Variants in CPXM2 observed in about 807,000 individuals in gnomAD.
The protein encoded by CPXM2 is carboxypeptidase X, M14 family member 2, also known as inactive carboxypeptidase-like protein X2.
Under a neutral mutation model 86.1 loss-of-function variants are expected in CPXM2, and 66 were observed. The ratio of observed to expected loss-of-function variants is 0.77; its 90% confidence interval spans 0.63 to 0.94. The LOEUF (loss-of-function observed/expected upper bound fraction) is 0.94, where lower values mean the gene tolerates loss of function less well. Ranked by LOEUF, CPXM2 falls within the 40% of genes least tolerant of loss-of-function variation. CPXM2 has a pLI of 0.00. For synonymous variants in CPXM2, 388 were observed against 400.2 expected, an observed-to-expected ratio of 0.97 and a Z score of 0.36; for missense variants, 948 against 1,026.3, an observed-to-expected ratio of 0.92 and a Z score of 1.04.
At chr10:123,774,809 G>C (rs1846741968) in intron 7 of CPXM2, among the ~76,000 whole-genome samples, 1 of 152,208 alleles carries the variant, frequency 6.6e-6, no homozygotes, top group South Asian at 2.1e-4. Context: ...AACATGCAAA[G>C]GACATGTAGC....
intron 2 of CPXM2, among the ~76,000 whole-genome samples, chr10:123,877,347 A>C (rs1945005068): frequency 1.3e-5 from 2 of 152,238 alleles, no homozygotes; most frequent in African/African-American, 4.8e-5. Flanking sequence ...TGTATTGGTC[A>C]GCTACTGCTG....
intron 6 of CPXM2, among the ~76,000 whole-genome samples, chr10:123,781,782 C>T (rs1156865122): frequency 1.3e-5 from 2 of 152,342 alleles, no homozygotes; most frequent in East Asian, 1.9e-4. Flanking sequence ...CCAGCTGGCT[C>T]TGCAGACATT....
chr10:123,870,604 C>A (rs56387117), intron 2 of CPXM2, among the ~76,000 whole-genome samples: 1 of 152,088 alleles, frequency 6.6e-6, no homozygotes, highest in African/African-American at 2.4e-5. Flanking sequence ...TTCTCAGATA[C>A]CACTGGCTTC....
At chr10:123,835,362 C>G (rs1176535287) in intron 4 of CPXM2, among the ~76,000 whole-genome samples, 2 of 152,178 alleles carry the variant, frequency 1.3e-5, no homozygotes, top group African/African-American at 2.4e-5. Context: ...AGAGCTCATG[C>G]CTTCATCATC....
chr10:123,749,177 A>G (rs1846023906), intron 13 of CPXM2, among the ~76,000 whole-genome samples: 1 of 151,740 alleles, frequency 6.6e-6, no homozygotes, highest in Admixed American at 6.6e-5. Context: ...GCCTGCCCCC[A>G]CCAACAGCTA....
chr10:123,799,269 A>C, intron 4 of CPXM2, 70 bp from the exon 5 acceptor site: 1 of 1,586,486 alleles, frequency 6.3e-7, no homozygotes, highest in Non-Finnish European at 8.6e-7. Context: ...AGAGGTTTAG[A>C]AGTGAGGAGA....
At chr10:123,768,796 G>A in intron 8 of CPXM2, 74 bp from the exon 9 acceptor site, 5 of 1,318,346 alleles carry the variant, frequency 3.8e-6, no homozygotes, top group South Asian at 3.8e-5. Flanking sequence ...GTCACATTGT[G>A]TTGGGGGGAA....
chr10:123,888,361 T>A (rs146475695), intron 1 of CPXM2, among the ~76,000 whole-genome samples: 2 of 152,206 alleles, frequency 1.3e-5, no homozygotes, highest in African/African-American at 4.8e-5. Flanking sequence ...CATCTCTAAA[T>A]TGAACCCCTC....
chr10:123,811,471 G>A (rs116443744), intron 4 of CPXM2, among the ~76,000 whole-genome samples: 4,803 of 152,130 alleles, frequency 0.032, 255 homozygotes, highest in African/African-American at 0.11. Flanking sequence ...TGTGACAAGC[G>A]AAACTTAAAA....
At chr10:123,795,803 G>A (rs544432375) in intron 6 of CPXM2, among the ~76,000 whole-genome samples, 1 of 152,122 alleles carries the variant, frequency 6.6e-6, no homozygotes, top group South Asian at 2.1e-4. Flanking sequence ...CTTTGTGAGG[G>A]TTTAAAGGCC....
At chr10:123,827,911 C>T (rs529850104) in intron 4 of CPXM2, among the ~76,000 whole-genome samples, 2 of 152,220 alleles carry the variant, frequency 1.3e-5, no homozygotes, top group East Asian at 1.9e-4. Context: ...CACCTGTAAT[C>T]CCAACACTTG....
chr10:123,880,238 G>T lies in CPXM2; in HGVS notation c.376C>A (p.Arg126Ser). 27 of 1,497,378 alleles carry T rather than the reference G, an allele frequency of 1.8e-5. No homozygotes were observed. The highest frequency in any genetic ancestry group is 2.4e-5 in the Non-Finnish European group (27 of 1,104,310). The allele number at this position is 1,497,378 out of a possible 1,614,324, so 92.8% of individuals were successfully genotyped here. A position where few individuals can be genotyped will look rare whatever the true frequency, so the allele number is the denominator to read the frequency against. Residue 126 changes from arginine (R) to serine (S), a missense_variant, in exon 2 of 14, where the codon CGT (arginine) becomes AGT (serine). Arg to Ser is a moderately radical substitution (Grantham distance 110, BLOSUM62 -1). Transcript: ENST00000241305. ...TCTCTGACATCTTCACGGGCCACAC[G>T]GACACTGTGATCATCGTTGGCAGCC... is the stretch of plus-strand genomic sequence containing the variant. ...EKAANDDHSV[R>S]VAREDVRESC...
At chr10:123,771,717 C>T (rs1475278879) in intron 7 of CPXM2, among the ~76,000 whole-genome samples, 1 of 152,206 alleles carries the variant, frequency 6.6e-6, no homozygotes, top group African/African-American at 2.4e-5. Context: ...CCCATAATCC[C>T]CACATGTCAT....
chr10:123,833,165 C>G (rs1031820796), intron 4 of CPXM2, among the ~76,000 whole-genome samples: 1 of 152,170 alleles, frequency 6.6e-6, no homozygotes, highest in East Asian at 1.9e-4. Context: ...GGTTAAGCCA[C>G]GTTACTTGGG....
chr10:123,839,768 T>A (rs1286668938), intron 4 of CPXM2, among the ~76,000 whole-genome samples: 1 of 152,204 alleles, frequency 6.6e-6, no homozygotes, highest in East Asian at 1.9e-4. Flanking sequence ...CCAAGATGTA[T>A]CCTCATCCCA....
In CPXM2 at chr10:123,865,207, T is replaced by C. The variant is rs1223307698; in HGVS notation, c.404-2484A>G. ...TTACAGGAACCCAATGCTCTGACAC[T>C]GGGATTTTTTGTCCTTATTAGAAGA... On this transcript the variant is annotated intron_variant, in intron 2 of 13. Transcript: ENST00000241305. This position sits in a 1 kb window ranked among gnomAD's most constrained non-coding sequence, Gnocchi z 4.7. 6.6e-6 allele frequency among the ~76,000 whole-genome samples: 1 copy of C among 152,212 alleles called. No homozygotes were observed. The highest frequency in any genetic ancestry group is 1.5e-5 in the Non-Finnish European group (1 of 68,036).
intron 7 of CPXM2, 129 bp from the exon 8 acceptor site, chr10:123,771,168 C>A: frequency 1.3e-6 from 1 of 774,644 alleles, no homozygotes; most frequent in Non-Finnish European, 2.2e-6. Context: ...TTCTGCACAC[C>A]CCAGCTGCTA....
chr10:123,905,931 C>T (rs115388630), intron 2 of CPXM2, among the ~76,000 whole-genome samples: 201 of 152,224 alleles, frequency 1.3e-3, no homozygotes, highest in African/African-American at 4.6e-3. Context: ...GTCCAGAGCC[C>T]GAGCTCTGGC....
At chr10:123,799,297 A>T (rs993077049) in intron 4 of CPXM2, 98 bp from the exon 5 acceptor site, 8 of 1,442,002 alleles carry the variant, frequency 5.5e-6, no homozygotes, top group Non-Finnish European at 7.7e-6. Context: ...CCAGAGGCAG[A>T]TGGCACTGGG....
Sources: gnomAD v4.1 joint callset for allele counts (sites outside exome capture counted in the v4.1 genomes callset) on GRCh38, gnomAD v4.1.1 for gene constraint, Gnocchi (gnomAD v3.1) non-coding constraint, MANE v1.5 for transcripts, NCBI Gene and HGNC (gene_info 2026-07-23, HGNC 2026-07-21) for gene names.